The following FIGNL2 variants were observed in gnomAD, a reference collection of about 807,000 sequenced individuals.
FIGNL2 encodes the protein fidgetin like 2.
For missense variants in FIGNL2, 1,060 were observed against 950.2 expected (o/e 1.12, Z -1.52); for synonymous variants, 565 against 484.0 (o/e 1.17, Z -2.20).
rs1939737999 is a variant in FIGNL2 at position 51,845,722 on chromosome 12, G to A, written c.-12+2818C>T. The A allele has an allele frequency of 4.1e-6, 4 of 970,178 alleles. No individual in the cohort carries two copies. The South Asian group carries it at 1.9e-4, about 46-fold the overall frequency. The allele number at this position is 970,178 out of a possible 1,614,324, so 60.1% of individuals were successfully genotyped here. On this transcript the variant is annotated intron_variant, in intron 1 of 1. Coordinates refer to ENST00000618634, the MANE Select transcript of FIGNL2 (RefSeq NM_001384995.1). ...GCCCTCCCTGGCTGACCGACGGCAG[G>A]GGGAGGGGAAGGCAGGGCTCCTAAG...
At position 51,820,275 on chromosome 12, in the gene FIGNL2, G is replaced by A. The variant is rs1939140732; in HGVS notation, c.*177C>T. On this transcript the variant is annotated 3_prime_UTR_variant, in exon 2 of 2. Coordinates refer to ENST00000618634, the MANE Select transcript of FIGNL2 (RefSeq NM_001384995.1). ...ACACGGCGCATATGGCATCTGCCTGGCAGAAGCATTTTCCTTCCCACGAAA... is the reference window on the plus strand; with the variant it reads ...ACACGGCGCATATGGCATCTGCCTGACAGAAGCATTTTCCTTCCCACGAAA... The A allele has an allele frequency of 2.2e-5, 18 of 817,034 alleles. No homozygotes were observed. In the East Asian group the frequency reaches 4.7e-4, roughly 21 times the overall value. 50.6% of individuals were successfully genotyped at this position (817,034 alleles called of 1,614,324 possible).
At chr12:51,836,089 G>A (rs1461345269) in intron 1 of FIGNL2, among the ~76,000 whole-genome samples, 1 of 152,154 alleles carries the variant, frequency 6.6e-6, no homozygotes, top group Non-Finnish European at 1.5e-5. Flanking sequence ...GGGATTACAG[G>A]AGTGAGCCAC....
chr12:51,838,987 C>T (rs942235337), intron 1 of FIGNL2, among the ~76,000 whole-genome samples: 26 of 152,158 alleles, frequency 1.7e-4, no homozygotes, highest in African/African-American at 6.3e-4. Flanking sequence ...CCTGGCTGCT[C>T]TGACCTGTGT....
intron 1 of FIGNL2, among the ~76,000 whole-genome samples, chr12:51,827,761 A>G (rs922922816): frequency 4.6e-5 from 7 of 152,226 alleles, no homozygotes; most frequent in Admixed American, 6.5e-5. Context: ...ATGACGGGCC[A>G]GTAGCTGACG....
rs117536289 is a variant in FIGNL2, at chr12:51,827,801, C to T, written c.-11-5377G>A. On this transcript the variant is annotated intron_variant, in intron 1 of 1. Transcript: ENST00000618634. ...TTCCCCAAAACCCAAGCACTGTGTA[C>T]AGAACCAGCGCCTGTTCTACGTTTT... Among the ~76,000 whole-genome samples, 679 of 152,336 alleles carry T rather than the reference C, an allele frequency of 4.5e-3. 1 individual carries two copies. The highest frequency in any genetic ancestry group is 6.6e-3 in the Non-Finnish European group (450 of 68,028).
chr12:51,821,604 G>C lies in FIGNL2; in HGVS notation c.810C>G (p.Ala270=), dbSNP rs1302276740. 1.3e-6 allele frequency: 2 copies of C among 1,505,640 alleles called. No homozygotes were observed. The highest frequency in any genetic ancestry group is 1.2e-5 in the South Asian group (1 of 81,526). 93.3% of individuals were successfully genotyped at this position (1,505,640 alleles called of 1,614,324 possible). ...ESGLSLKRKA[A]DEGPEGRYRK... ...GGTAGCGGCCCTCGGGCCCCTCGTC[G>C]GCGGCCTTGCGCTTCAGCGACAGCC... The change falls in exon 2 of 2, where the codon GCC becomes GCG. Residue 270 remains alanine, a synonymous_variant. Transcript: ENST00000618634.
intron 1 of FIGNL2, among the ~76,000 whole-genome samples, chr12:51,830,086 C>T (rs969619388): frequency 1.3e-5 from 2 of 151,932 alleles, no homozygotes; most frequent in Non-Finnish European, 2.9e-5. Context: ...GTCGGGAGTT[C>T]GAGACCAGCC....
In FIGNL2 at chr12:51,844,378, C is replaced by A. The variant is rs1055249742; in HGVS notation, c.-12+4162G>T. 7.9e-5 allele frequency among the ~76,000 whole-genome samples: 12 copies of A among 152,182 alleles called. No individual in the cohort carries two copies. In the East Asian group the frequency reaches 1.5e-3, roughly 20 times the overall value. ...GAATATTCCAAAGGCTGACACTGTC[C>A]ATACCTCGGTACTAAAGGAAAAGAC... On this transcript the variant is annotated intron_variant, in intron 1 of 1. Transcript: ENST00000618634.
At chr12:51,822,841 T>C (rs564231174) in intron 1 of FIGNL2, among the ~76,000 whole-genome samples, 1 of 152,328 alleles carries the variant, frequency 6.6e-6, no homozygotes, top group African/African-American at 2.4e-5. Context: ...GTAAGAGATG[T>C]TTGTCACCTA....
At chr12:51,833,725 C>T (rs1285823885) in intron 1 of FIGNL2, among the ~76,000 whole-genome samples, 1 of 152,234 alleles carries the variant, frequency 6.6e-6, no homozygotes, top group African/African-American at 2.4e-5. Flanking sequence ...GTTGCCTCGG[C>T]AGACACTGTC....
intron 1 of FIGNL2, among the ~76,000 whole-genome samples, chr12:51,828,850 A>G (rs996078041): frequency 6.6e-6 from 1 of 152,252 alleles, no homozygotes; most frequent in African/African-American, 2.4e-5. Flanking sequence ...GGTTTAGATC[A>G]GTGGACCTCT....
Position 51,821,125 on chromosome 12 carries a change from A to C in FIGNL2, c.1289T>G (p.Leu430Arg). The change falls in exon 2 of 2, where the codon CTC (leucine) becomes CGC (arginine). Residue 430 changes from leucine (L) to arginine (R), a missense_variant. Coordinates refer to ENST00000618634, the MANE Select transcript of FIGNL2 (RefSeq NM_001384995.1). ...TTTGCCCGCGCCCCGCGGCCCAAAG[A>C]GCAGGACGGTCCGCGGCGGGCGCAG... The part of the protein sequence containing the change: ...GSLRPPRTVL[L>R]FGPRGAGKAL... 6.9e-7 allele frequency: 1 copy of C among 1,446,982 alleles called. No individual in the cohort carries two copies. The allele number at this position is 1,446,982 out of a possible 1,614,324, so 89.6% of individuals were successfully genotyped here.
chr12:51,825,411 G>A (rs1298016056), intron 1 of FIGNL2, among the ~76,000 whole-genome samples: 1 of 152,084 alleles, frequency 6.6e-6, no homozygotes, highest in Non-Finnish European at 1.5e-5. Context: ...CTGGCCTTCA[G>A]CAATCCTTAC....
Position 51,819,830 on chromosome 12 carries a change from C to T in FIGNL2, c.*622G>A, listed in dbSNP as rs1384531517. 2 of 153,530 alleles carry T rather than the reference C, an allele frequency of 1.3e-5. No homozygotes were observed. Among genetic ancestry groups the T allele is most frequent in the Admixed American group, 1.3e-4 (2 of 15,358 alleles). 9.5% of individuals were successfully genotyped at this position (153,530 alleles called of 1,614,324 possible). A position where few individuals can be genotyped will look rare whatever the true frequency, so the allele number is the denominator to read the frequency against. On this transcript the variant is annotated 3_prime_UTR_variant, in exon 2 of 2. Coordinates refer to ENST00000618634, the MANE Select transcript of FIGNL2 (RefSeq NM_001384995.1). ...TAACCCTCCTCCTCAGCCCCTGGGC[C>T]TCCAGAGCTCCTGCAAAGGGCCACT...
At position 51,819,779 on chromosome 12, in the gene FIGNL2, C is replaced by A. The variant is rs531235052; in HGVS notation, c.*673G>T. Reference sequence around the variant, plus strand: ...ACTTTTTTTCCTTGATCCCCCTAGACCCTAGGTTTCAGATGGGTAGAGGGG... The same window carrying A: ...ACTTTTTTTCCTTGATCCCCCTAGAACCTAGGTTTCAGATGGGTAGAGGGG... On this transcript the variant is annotated 3_prime_UTR_variant, in exon 2 of 2. Transcript: ENST00000618634. 5.4e-4 allele frequency: 83 copies of A among 152,780 alleles called. No individual in the cohort carries two copies. Among genetic ancestry groups the A allele is most frequent in the African/African-American group, 1.9e-3 (80 of 41,548 alleles). The allele number at this position is 152,780 out of a possible 1,614,324, so 9.5% of individuals were successfully genotyped here. A position where few individuals can be genotyped will look rare whatever the true frequency, so the allele number is the denominator to read the frequency against.
chr12:51,820,162 C>T lies in FIGNL2; in HGVS notation c.*290G>A, dbSNP rs1418518583. On this transcript the variant is annotated 3_prime_UTR_variant, in exon 2 of 2. Transcript: ENST00000618634. ...GCAAGAGAGCAGGAGTTCTTAAGGC[C>T]CCGGGTGCCAGCCCATGCCGGATCT... The T allele has an allele frequency of 6.8e-6, 3 of 441,044 alleles. No homozygotes were observed. The highest frequency in any genetic ancestry group is 1.2e-5 in the Non-Finnish European group (3 of 246,488). The allele number at this position is 441,044 out of a possible 1,614,324, so 27.3% of individuals were successfully genotyped here.
intron 1 of FIGNL2, among the ~76,000 whole-genome samples, chr12:51,822,812 C>T (rs1022071390): frequency 2.2e-4 from 34 of 152,238 alleles, no homozygotes; most frequent in Non-Finnish European, 3.8e-4. Context: ...AATAGTCAAA[C>T]TCAAGTGAAG....
intron 1 of FIGNL2, among the ~76,000 whole-genome samples, chr12:51,839,943 G>A (rs766515852): frequency 5.9e-5 from 9 of 152,226 alleles, no homozygotes; most frequent in African/African-American, 2.2e-4. Flanking sequence ...CACTGGGAAC[G>A]AGGATGACCT....
chr12:51,845,543 C>G (rs1458778626), intron 1 of FIGNL2: 1 of 985,342 alleles, frequency 1.0e-6, no homozygotes. Flanking sequence ...GTCCACATCT[C>G]CCTGCTGCAG....
Sources: allele counts gnomAD v4.1 joint callset (sites outside exome capture counted in the v4.1 genomes callset), GRCh38; gene constraint gnomAD v4.1.1; transcripts MANE v1.5; gene names NCBI Gene and HGNC (gene_info 2026-07-23, HGNC 2026-07-21).